The following ZNF532 variants were observed in gnomAD, a reference collection of about 807,000 sequenced individuals.
ZNF532 encodes zinc finger protein 532.
Under a neutral mutation model 89.3 loss-of-function variants are expected in ZNF532, and 22 were observed. The ratio of observed to expected loss-of-function variants is 0.25; its 90% CI spans 0.18 to 0.35. The LOEUF is 0.35. Ranked by LOEUF, ZNF532 falls within the 10% of genes least tolerant of loss-of-function variation. The pLI is 1.00. For missense variants in ZNF532, 1,132 were observed against 1,643.4 expected, an observed-to-expected ratio of 0.69 and a Z score of 5.38; for synonymous variants, 606 against 649.6, an observed-to-expected ratio of 0.93 and a Z score of 1.02.
At position 58,918,893 on chromosome 18, in the gene ZNF532, G is replaced by C. The variant is rs1345958566; in HGVS notation, c.606G>C (p.Lys202Asn). 6.2e-7 allele frequency: 1 copy of C among 1,614,010 alleles called. No individual in the cohort carries two copies. The highest frequency in any genetic ancestry group is 8.5e-7 in the Non-Finnish European group (1 of 1,180,046). Residue 202 changes from lysine (K) to asparagine (N), a missense_variant, in exon 3 of 10, where the codon AAG becomes AAC. By Grantham distance (94) the Lys-to-Asn change is moderately conservative. This residue lies in a region of ZNF532 where 302 missense variants were observed against 319.8 expected (regional missense o/e 0.94). Transcript: ENST00000591808. ...SGNVEKNKAV[K>N]RETEASSINL... is the part of the protein sequence containing the mutation. The stretch of plus-strand genomic sequence containing the variant: ...ATGTGGAGAAAAACAAAGCTGTTAA[G>C]AGAGAAACAGAAGCCAGTTCTATAA...
intron 2 of ZNF532, among the ~76,000 whole-genome samples, chr18:58,887,432 A>G (rs1568241268): frequency 6.6e-6 from 1 of 152,232 alleles, no homozygotes; most frequent in East Asian, 1.9e-4. Flanking sequence ...AAGTCAGCAC[A>G]ATTCTGTTTT....
intron 2 of ZNF532, among the ~76,000 whole-genome samples, chr18:58,917,086 C>T (rs1046910105): frequency 6.6e-6 from 1 of 152,212 alleles, no homozygotes; most frequent in Non-Finnish European, 1.5e-5. Context: ...TTCCGACTGA[C>T]TGCTGCTTGC....
chr18:58,895,089 G>A (rs2059158784), intron 2 of ZNF532, among the ~76,000 whole-genome samples: 1 of 152,212 alleles, frequency 6.6e-6, no homozygotes, highest in Admixed American at 6.5e-5. Flanking sequence ...CATTGGCAGA[G>A]GCTCTAATTG....
At chr18:58,915,958 G>C (rs1355850138) in intron 2 of ZNF532, among the ~76,000 whole-genome samples, 1 of 152,194 alleles carries the variant, frequency 6.6e-6, no homozygotes, top group Non-Finnish European at 1.5e-5. Flanking sequence ...TGTGAAGCTC[G>C]AAAGAAAGAG....
At chr18:58,891,607 AGT>A (rs1479157439) in intron 2 of ZNF532, among the ~76,000 whole-genome samples, 1 of 152,212 alleles carries the variant, frequency 6.6e-6, no homozygotes, top group Admixed American at 6.5e-5. Flanking sequence ...ATGCTTTGTA[AGT>A]GTGATTAAAA....
chr18:58,914,916 T>A (rs932059346), intron 2 of ZNF532, among the ~76,000 whole-genome samples: 1 of 152,246 alleles, frequency 6.6e-6, no homozygotes, highest in African/African-American at 2.4e-5. Context: ...AAGACAGTAG[T>A]ACTTAGGAAT....
In ZNF532 at chr18:58,942,552, G is replaced by A. The variant is rs141591408; in HGVS notation, c.2705+2931G>A. 2.2e-3 allele frequency among the ~76,000 whole-genome samples: 329 copies of A among 152,120 alleles called. 1 individual carries two copies. The highest frequency in any genetic ancestry group is 0.011 in the Admixed American group (163 of 15,282). The stretch of plus-strand genomic sequence containing the variant: ...GTGTGAGGGCTGGTCTGGCTGCCTG[G>A]AGCCCTCACCCGCAGCCTGACTGTG... On this transcript the variant is annotated intron_variant, in intron 5 of 9. Coordinates refer to ENST00000591808, the MANE Select transcript of ZNF532 (RefSeq NM_001375912.1).
intron 8 of ZNF532, chr18:58,980,083 T>G (rs2067561763): frequency 6.6e-6 from 1 of 152,240 alleles, no homozygotes; most frequent in Admixed American, 6.5e-5. Context: ...ACTGAAATGT[T>G]ACATGGATGT....
At chr18:58,915,210 C>T (rs973980095) in intron 2 of ZNF532, among the ~76,000 whole-genome samples, 5 of 152,334 alleles carry the variant, frequency 3.3e-5, no homozygotes, top group Admixed American at 1.3e-4. Flanking sequence ...ACAGTGATCT[C>T]GGGTTTCAGA....
intron 2 of ZNF532, among the ~76,000 whole-genome samples, chr18:58,883,776 C>T (rs1221135452): frequency 6.6e-6 from 1 of 152,118 alleles, no homozygotes; most frequent in Admixed American, 6.5e-5. Flanking sequence ...AATAGCATGC[C>T]TCCTCCCCCA....
At chr18:58,963,214 A>AAATGATTTTAGGATGTCTT (rs1455936836) in intron 7 of ZNF532, among the ~76,000 whole-genome samples, 3 of 152,228 alleles carry the variant, frequency 2.0e-5, no homozygotes, top group Non-Finnish European at 1.5e-5. Flanking sequence ...GCCTGATTAT[A>AAATGATTTTAGGATGTCTT]AATGATTTTA....
At chr18:58,960,051 G>GC in intron 7 of ZNF532, among the ~76,000 whole-genome samples, 1 of 152,268 alleles carries the variant, frequency 6.6e-6, no homozygotes, top group African/African-American at 2.4e-5. Context: ...CGATTCTCCT[G>GC]CCTCAGCCTC....
intron 5 of ZNF532, among the ~76,000 whole-genome samples, chr18:58,942,337 C>CCCTTCCTTCCTT (rs1432922096): frequency 6.3e-5 from 4 of 63,416 alleles, no homozygotes; most frequent in Admixed American, 1.7e-4. Flanking sequence ...CTCCCTCCCT[C>CCCTTCCTTCCTT]CCTCCCTCCC....
At chr18:58,877,733 G>C (rs2057547373) in intron 2 of ZNF532, among the ~76,000 whole-genome samples, 1 of 152,196 alleles carries the variant, frequency 6.6e-6, no homozygotes, top group Non-Finnish European at 1.5e-5. Flanking sequence ...GCCTGTGAGT[G>C]TGGCCCTTAT....
chr18:58,866,618 T>G (rs2056484920), intron 2 of ZNF532, among the ~76,000 whole-genome samples: 1 of 152,250 alleles, frequency 6.6e-6, no homozygotes, highest in African/African-American at 2.4e-5. Context: ...GTGGGCATTT[T>G]GTTCCTCTCC....
At chr18:58,907,420 G>A (rs1001360905) in intron 2 of ZNF532, among the ~76,000 whole-genome samples, 6 of 151,942 alleles carry the variant, frequency 3.9e-5, no homozygotes, top group Non-Finnish European at 5.9e-5. Context: ...TCCTGACCTC[G>A]TGATCCCCCC....
chr18:58,899,165 T>A (rs2059439803), intron 2 of ZNF532, among the ~76,000 whole-genome samples: 2 of 152,226 alleles, frequency 1.3e-5, no homozygotes, highest in South Asian at 4.1e-4. Flanking sequence ...TTTTTGGAGC[T>A]CTGTAATTTC....
At chr18:58,941,968 C>CTCCCTCCCTCCT (rs1795413049) in intron 5 of ZNF532, among the ~76,000 whole-genome samples, 1 of 133,690 alleles carries the variant, frequency 7.5e-6, no homozygotes, top group Non-Finnish European at 1.7e-5. Context: ...CCCTCTCTCC[C>CTCCCTCCCTCCT]TCCCTCCCTC....
At chr18:58,888,742 T>TATATAAA (rs2058536344) in intron 2 of ZNF532, among the ~76,000 whole-genome samples, 2 of 36,104 alleles carry the variant, frequency 5.5e-5, no homozygotes, top group African/African-American at 5.0e-4. Flanking sequence ...ATATATATAT[T>TATATAAA]TTATATATAT....
Sources: allele counts gnomAD v4.1 joint callset (sites outside exome capture counted in the v4.1 genomes callset), GRCh38; gene constraint gnomAD v4.1.1; regional missense constraint gnomAD v4.1.1; transcripts MANE v1.5; gene names NCBI Gene and HGNC (gene_info 2026-07-23, HGNC 2026-07-21).